ATP10D: variants seen among roughly 807,000 people sequenced by gnomAD.
The protein encoded by ATP10D is ATPase phospholipid transporting 10D (putative), also known as phospholipid-transporting ATPase VD.
Under a neutral mutation model 144.8 loss-of-function variants are expected in ATP10D, and 89 were observed. The observed-to-expected ratio is 0.61, with a 90% CI of 0.52 to 0.73. The LOEUF (loss-of-function observed/expected upper bound fraction) is 0.73, where lower values mean the gene tolerates loss of function less well. Among genes scored for constraint, ATP10D ranks in the 30% least tolerant of loss-of-function variants. The pLI, the probability that ATP10D is intolerant of heterozygous loss-of-function variation, is 0.00. For synonymous variants in ATP10D, 571 were observed against 615.1 expected, an observed-to-expected ratio of 0.93 and a Z score of 1.06; for missense variants, 1,603 against 1,714.8, an observed-to-expected ratio of 0.93 and a Z score of 1.15.
At chr4:47,519,358 A>G (rs562199572) in intron 3 of ATP10D, among the ~76,000 whole-genome samples, 128 of 152,306 alleles carry the variant, frequency 8.4e-4, no homozygotes, top group Non-Finnish European at 1.5e-3. Flanking sequence ...AAATGGGCCT[A>G]GAAGCTTTCC....
intron 22 of ATP10D, among the ~76,000 whole-genome samples, chr4:47,590,652 A>G (rs1199414459): frequency 6.6e-6 from 1 of 152,114 alleles, no homozygotes; most frequent in African/African-American, 2.4e-5. Context: ...ACTTTGTTAC[A>G]ATAGCCATAG....
At chr4:47,535,188 A>G (rs1315512763) in intron 5 of ATP10D, among the ~76,000 whole-genome samples, 4 of 152,090 alleles carry the variant, frequency 2.6e-5, no homozygotes, top group Admixed American at 2.6e-4. Context: ...GAGGAGCATG[A>G]GGTTCAAAAA....
intron 1 of ATP10D, among the ~76,000 whole-genome samples, chr4:47,497,819 C>G (rs1715472751): frequency 6.6e-6 from 1 of 152,158 alleles, no homozygotes. Context: ...GTAAGTCATT[C>G]TTTCCAAACC....
intron 3 of ATP10D, among the ~76,000 whole-genome samples, chr4:47,521,036 T>C (rs1008020756): frequency 6.6e-6 from 1 of 152,196 alleles, no homozygotes; most frequent in African/African-American, 2.4e-5. Flanking sequence ...CTTTCAACTA[T>C]TGTGACTCCC....
chr4:47,547,813 C>T (rs1463525176), intron 10 of ATP10D, among the ~76,000 whole-genome samples: 1 of 152,102 alleles, frequency 6.6e-6, no homozygotes, highest in African/African-American at 2.4e-5. Context: ...CTCAAATTGT[C>T]AACAAATGCA....
At chr4:47,522,860 T>G in intron 3 of ATP10D, 152 bp from the exon 4 acceptor site, 1 of 653,428 alleles carries the variant, frequency 1.5e-6, no homozygotes, top group South Asian at 2.2e-5. Context: ...TGAGCCAACT[T>G]GCCTGGCCCC....
chr4:47,558,375 A>T, intron 12 of ATP10D, 102 bp downstream of exon 12: 1 of 1,448,514 alleles, frequency 6.9e-7, no homozygotes, highest in Non-Finnish European at 9.3e-7. Flanking sequence ...CTATCTGGGG[A>T]CTAATCACAT....
chr4:47,504,499 A>G (rs1174201562), intron 1 of ATP10D, among the ~76,000 whole-genome samples: 1 of 152,176 alleles, frequency 6.6e-6, no homozygotes, highest in Non-Finnish European at 1.5e-5. Flanking sequence ...AGCAAGACCA[A>G]GTTTTATCAG....
intron 10 of ATP10D, among the ~76,000 whole-genome samples, chr4:47,551,586 T>G (rs2109441006): frequency 6.6e-6 from 1 of 152,352 alleles, no homozygotes; most frequent in East Asian, 1.9e-4. Flanking sequence ...ACACTTTTAT[T>G]GCTTACCCAT....
intron 5 of ATP10D, among the ~76,000 whole-genome samples, chr4:47,529,976 G>T (rs1363969514): frequency 6.6e-6 from 1 of 152,162 alleles, no homozygotes; most frequent in Non-Finnish European, 1.5e-5. Context: ...AAATGCTACT[G>T]ATTTTGTGCA....
intron 14 of ATP10D, among the ~76,000 whole-genome samples, chr4:47,562,193 C>T (rs573159808): frequency 6.6e-5 from 10 of 152,216 alleles, no homozygotes; most frequent in Non-Finnish European, 1.5e-4. Context: ...GCTTGATTAA[C>T]AAGTATTATA....
chr4:47,561,168 A>G (rs1719276561), intron 14 of ATP10D, 93 bp downstream of exon 14: 2 of 1,477,960 alleles, frequency 1.4e-6, no homozygotes, highest in South Asian at 1.2e-5. Flanking sequence ...TTGTTATCTA[A>G]TAAACATATA....
intron 1 of ATP10D, among the ~76,000 whole-genome samples, chr4:47,491,906 A>G (rs1715101405): frequency 6.6e-6 from 1 of 152,140 alleles, no homozygotes; most frequent in Non-Finnish European, 1.5e-5. Flanking sequence ...TCCTAATTTT[A>G]TCTTTTTTAT....
At chr4:47,524,128 G>A (rs1440059698) in intron 4 of ATP10D, among the ~76,000 whole-genome samples, 3 of 152,042 alleles carry the variant, frequency 2.0e-5, no homozygotes, top group African/African-American at 4.8e-5. Context: ...CGGTTTGACC[G>A]TGTTAGCCAG....
Position 47,512,822 on chromosome 4 carries a change from AT to A in ATP10D, c.285del (p.His96ThrfsTer11), listed in dbSNP as rs1560417277. On this transcript the variant is annotated frameshift_variant, in exon 2 of 23. Transcript: ENST00000273859. LOFTEE classifies it high-confidence loss of function. ...TTGTGCCAAGAAATTTATTTGAACA[AT>A]TTCACAGGTACTGTTTTATTTTTGA... ...NFVPRNLFEQ[F>X]HRAANLYFLF... 3.1e-6 allele frequency: 5 copies of A among 1,600,844 alleles called. No individual in the cohort carries two copies. Among genetic ancestry groups the A allele is most frequent in the Non-Finnish European group, 3.4e-6 (4 of 1,169,354 alleles).
intron 2 of ATP10D, among the ~76,000 whole-genome samples, chr4:47,514,291 A>G (rs1293050921): frequency 6.6e-6 from 1 of 152,166 alleles, no homozygotes; most frequent in Non-Finnish European, 1.5e-5. Context: ...TGTGTGTTTC[A>G]TTCTTTTATG....
intron 9 of ATP10D, among the ~76,000 whole-genome samples, chr4:47,542,107 A>ATATATATATTTTTTTTTTTTTT (rs1577665179): frequency 6.6e-6 from 1 of 151,528 alleles, no homozygotes; most frequent in South Asian, 2.1e-4. Flanking sequence ...CATACAATAT[A>ATATATATATTTTTTTTTTTTTT]TTTTTTTAAC....
rs1474356814 is a variant in ATP10D, at chr4:47,591,312, T to G, written c.4212T>G (p.Ala1404=). The change falls in exon 23 of 23, where the codon GCT becomes GCG. Residue 1404 remains alanine, a synonymous_variant. Coordinates refer to ENST00000273859, the MANE Select transcript of ATP10D (RefSeq NM_020453.4). ...GAAACTTATCTCTGTGTGAAACTGC[T>G]TTAGATCAAGGCTACTCTGAAACTA... The part of the protein sequence containing the change: ...EQGNLSLCET[A]LDQGYSETKA... 1 of 1,612,684 alleles carries G rather than the reference T, an allele frequency of 6.2e-7. No homozygotes were observed. The highest frequency in any genetic ancestry group is 1.7e-5 in the Admixed American group (1 of 59,982).
At chr4:47,576,458 C>G (rs1316077013) in intron 18 of ATP10D, among the ~76,000 whole-genome samples, 1 of 152,142 alleles carries the variant, frequency 6.6e-6, no homozygotes, top group African/African-American at 2.4e-5. Context: ...CACTTAATTT[C>G]CTGACCTGTA....
Sources: allele counts gnomAD v4.1 joint callset (sites outside exome capture counted in the v4.1 genomes callset), GRCh38; gene constraint gnomAD v4.1.1; transcripts MANE v1.5; gene names NCBI Gene and HGNC (gene_info 2026-07-23, HGNC 2026-07-21).